UVRAG: variants seen among roughly 807,000 people sequenced by gnomAD.
UVRAG encodes the protein UV radiation resistance associated, also known as UV radiation resistance-associated gene protein.
In UVRAG, 19 loss-of-function variants were observed where a neutral mutation model predicts 78.0. The ratio of observed to expected loss-of-function variants is 0.24; its 90% confidence interval spans 0.17 to 0.36. UVRAG has a LOEUF of 0.36. UVRAG is among the 10% of genes least tolerant of loss of function. The probability of loss-of-function intolerance (pLI) is 1.00; values close to 1 mark genes in which losing one functional copy is unlikely to be tolerated. For synonymous variants in UVRAG, 323 were observed against 324.6 expected (o/e 1.00, Z 0.05); for missense variants, 740 against 853.8 (o/e 0.87, Z 1.66).
At position 75,928,939 on chromosome 11, in the gene UVRAG, C is replaced by CAAAAAA. The variant is rs368913080; in HGVS notation, c.593+16920_593+16925dup. Among the ~76,000 whole-genome samples, 15 of 67,454 alleles carry CAAAAAA rather than the reference C, an allele frequency of 2.2e-4. 1 individual carries two copies. The highest frequency in any genetic ancestry group is 0.019 in the Middle Eastern group (1 of 52). The allele number at this position is 67,454 out of a possible 152,430, so 44.3% of individuals were successfully genotyped here. A position where few individuals can be genotyped will look rare whatever the true frequency, so the allele number is the denominator to read the frequency against. On this transcript the variant is annotated intron_variant, in intron 6 of 14. Coordinates refer to ENST00000356136, the MANE Select transcript of UVRAG (RefSeq NM_003369.4). ...CCTGGGCGACAGAGCGAGACTGTCT[C>CAAAAAA]AAAAAAAAAAAAAAAAAAAAAAAAA... is the stretch of plus-strand genomic sequence containing the variant.
chr11:76,070,661 G>A (rs1161635788), intron 13 of UVRAG, among the ~76,000 whole-genome samples: 2 of 152,148 alleles, frequency 1.3e-5, no homozygotes, highest in Non-Finnish European at 2.9e-5. Context: ...ACTGTGTGCT[G>A]TGTACGCTGA....
At chr11:76,136,428 G>C (rs545164748) in intron 14 of UVRAG, among the ~76,000 whole-genome samples, 1 of 151,868 alleles carries the variant, frequency 6.6e-6, no homozygotes, top group Non-Finnish European at 1.5e-5. Context: ...TGCTTACCAG[G>C]AGGTTTTAAT....
At chr11:75,821,528 G>A (rs539004752) in intron 1 of UVRAG, among the ~76,000 whole-genome samples, 2 of 152,178 alleles carry the variant, frequency 1.3e-5, no homozygotes, top group African/African-American at 2.4e-5. Flanking sequence ...AAAATTTTTC[G>A]TAGAAATGAG....
chr11:76,074,930 T>G (rs1304001580), intron 13 of UVRAG, among the ~76,000 whole-genome samples: 1 of 152,132 alleles, frequency 6.6e-6, no homozygotes, highest in African/African-American at 2.4e-5. Context: ...AAAGTAAAAA[T>G]AGCTTCTCCA....
intron 12 of UVRAG, among the ~76,000 whole-genome samples, chr11:76,048,658 T>C (rs143340459): frequency 1.6e-4 from 24 of 152,332 alleles, no homozygotes; most frequent in African/African-American, 5.5e-4. Flanking sequence ...AATTTTATCA[T>C]TGAAATATGT....
At chr11:75,967,469 C>G (rs1949045086) in intron 7 of UVRAG, among the ~76,000 whole-genome samples, 1 of 152,084 alleles carries the variant, frequency 6.6e-6, no homozygotes, top group African/African-American at 2.4e-5. Flanking sequence ...TTTGGGACAG[C>G]TGCCACAATT....
At chr11:75,845,753 T>G (rs1946017713) in intron 1 of UVRAG, among the ~76,000 whole-genome samples, 1 of 152,090 alleles carries the variant, frequency 6.6e-6, no homozygotes, top group South Asian at 2.1e-4. Flanking sequence ...CTATTGGGCA[T>G]TATGCTGATT....
intron 1 of UVRAG, among the ~76,000 whole-genome samples, chr11:75,849,142 C>T (rs1295931332): frequency 2.0e-5 from 3 of 152,038 alleles, no homozygotes; most frequent in African/African-American, 7.3e-5. Flanking sequence ...GGCGCCATTG[C>T]ACTCCAGCCT....
chr11:76,142,338 G>A lies in UVRAG; in HGVS notation c.*925G>A, dbSNP rs1413686422. Reference sequence around the variant, plus strand: ...TCCCATGTTAATTTATTAAATTTCAGTCAGAAGGTCAGCATTTACATGACA... The same window carrying A: ...TCCCATGTTAATTTATTAAATTTCAATCAGAAGGTCAGCATTTACATGACA... On this transcript the variant is annotated 3_prime_UTR_variant, in exon 15 of 15. Coordinates refer to ENST00000356136, the MANE Select transcript of UVRAG (RefSeq NM_003369.4). The A allele has an allele frequency of 2.0e-5, 3 of 152,230 alleles. No homozygotes were observed. Among genetic ancestry groups the A allele is most frequent in the Non-Finnish European group, 4.4e-5 (3 of 68,046 alleles). The allele number at this position is 152,230 out of a possible 1,614,324, so 9.4% of individuals were successfully genotyped here. A position where few individuals can be genotyped will look rare whatever the true frequency, so the allele number is the denominator to read the frequency against.
At chr11:76,140,004 G>A (rs1331939638) in intron 14 of UVRAG, among the ~76,000 whole-genome samples, 3 of 137,316 alleles carry the variant, frequency 2.2e-5, no homozygotes, top group African/African-American at 5.5e-5. Flanking sequence ...AAAAAAAAAA[G>A]GAACCCCTCA....
chr11:75,950,226 GT>G (rs368644105), intron 6 of UVRAG, among the ~76,000 whole-genome samples: 3 of 152,100 alleles, frequency 2.0e-5, no homozygotes, highest in Non-Finnish European at 2.9e-5. Flanking sequence ...CCTTACACAA[GT>G]TTTTTGTGGT....
At chr11:76,022,596 G>C (rs1160799391) in intron 12 of UVRAG, among the ~76,000 whole-genome samples, 1 of 152,052 alleles carries the variant, frequency 6.6e-6, no homozygotes, top group African/African-American at 2.4e-5. Flanking sequence ...GACCACCCCA[G>C]CTCTCCTTTG....
At chr11:76,135,448 C>T (rs2134507876) in intron 14 of UVRAG, among the ~76,000 whole-genome samples, 1 of 152,294 alleles carries the variant, frequency 6.6e-6, no homozygotes, top group African/African-American at 2.4e-5. Flanking sequence ...AACTCCAGGC[C>T]AGTTGGCTTC....
chr11:75,987,942 T>G (rs1949532776), intron 8 of UVRAG, among the ~76,000 whole-genome samples: 1 of 152,154 alleles, frequency 6.6e-6, no homozygotes, highest in African/African-American at 2.4e-5. Flanking sequence ...TTTGCCATGT[T>G]GGCCAGGCTG....
At chr11:75,960,980 G>A (rs1289295978) in intron 6 of UVRAG, among the ~76,000 whole-genome samples, 1 of 151,800 alleles carries the variant, frequency 6.6e-6, no homozygotes, top group Non-Finnish European at 1.5e-5. Context: ...ATATCTTTGA[G>A]AGTGCTGTCT....
intron 8 of UVRAG, among the ~76,000 whole-genome samples, chr11:75,999,248 A>G (rs113384632): frequency 7.1e-4 from 4 of 5,608 alleles, no homozygotes; most frequent in African/African-American, 5.1e-3. Context: ...AAAAAAAAAA[A>G]AAAGTCAACT....
intron 4 of UVRAG, among the ~76,000 whole-genome samples, chr11:75,881,316 T>C (rs928499359): frequency 6.6e-6 from 1 of 152,120 alleles, no homozygotes; most frequent in Non-Finnish European, 1.5e-5. Context: ...CATCAATCAA[T>C]ACATGTAAGA....
chr11:76,099,507 A>G (rs548689640), intron 13 of UVRAG, among the ~76,000 whole-genome samples: 3 of 152,318 alleles, frequency 2.0e-5, no homozygotes, highest in Admixed American at 6.5e-5. Flanking sequence ...AGTTCTAAAA[A>G]GATCCTATTT....
intron 14 of UVRAG, among the ~76,000 whole-genome samples, chr11:76,122,333 G>A (rs1289338196): frequency 6.6e-6 from 1 of 152,058 alleles, no homozygotes; most frequent in Non-Finnish European, 1.5e-5. Context: ...AAGAAACAGT[G>A]GCCCAGTTAG....
Sources: gnomAD v4.1 joint callset for allele counts (sites outside exome capture counted in the v4.1 genomes callset) on GRCh38, gnomAD v4.1.1 for gene constraint, MANE v1.5 for transcripts, NCBI Gene and HGNC (gene_info 2026-07-23, HGNC 2026-07-21) for gene names.